Variants in IQSEC1 observed in about 807,000 individuals in gnomAD.
The protein encoded by IQSEC1 is IQ motif and SEC7 domain-containing protein 1.
In IQSEC1, 31 loss-of-function variants were observed where a neutral mutation model predicts 91.0. That is an observed-to-expected ratio of 0.34 (90% CI 0.26 to 0.46). The LOEUF is 0.46. Among genes scored for constraint, IQSEC1 ranks in the 20% least tolerant of loss-of-function variants. IQSEC1 has a pLI of 1.00. For synonymous variants in IQSEC1, 699 were observed against 662.6 expected (o/e 1.05, Z -0.84); for missense variants, 1,388 against 1,575.6 (o/e 0.88, Z 2.02).
chr3:13,240,740 T>C (rs529246469), intron 1 of IQSEC1, among the ~76,000 whole-genome samples: 20 of 152,224 alleles, frequency 1.3e-4, no homozygotes, highest in African/African-American at 4.3e-4. Context: ...ACAGCTGAAT[T>C]GAACGAAATC....
intron 1 of IQSEC1, among the ~76,000 whole-genome samples, chr3:13,205,205 G>A (rs1002247536): frequency 2.6e-5 from 4 of 152,040 alleles, no homozygotes; most frequent in Non-Finnish European, 5.9e-5. Context: ...TCCTGAACAG[G>A]AAGGCTACAG....
rs544150160 is a variant in IQSEC1, at chr3:13,008,232, G to A, written c.23+64760C>T. ...ACCACCTTGTCACCCTCCGTCTGGG[G>A]TCTGAGGCCAAGCTGGACACCTCTC... On this transcript the variant is annotated intron_variant, in intron 1 of 13. Transcript: ENST00000613206. The surrounding 1 kb of genome is among the most constrained non-coding windows in gnomAD (Gnocchi z 4.1). Among the ~76,000 whole-genome samples, 1 of 151,460 alleles carries A rather than the reference G, an allele frequency of 6.6e-6. No individual in the cohort carries two copies. Among genetic ancestry groups the A allele is most frequent in the African/African-American group, 2.4e-5 (1 of 41,470 alleles).
intron 3 of IQSEC1, among the ~76,000 whole-genome samples, chr3:12,933,879 G>A (rs1263700570): frequency 3.3e-5 from 5 of 152,216 alleles, no homozygotes; most frequent in African/African-American, 4.8e-5. Flanking sequence ...AAAGTTAACT[G>A]AATAAGAAAG....
At chr3:12,937,709 G>A (rs969212494) in intron 2 of IQSEC1, among the ~76,000 whole-genome samples, 11 of 152,216 alleles carry the variant, frequency 7.2e-5, no homozygotes, top group Non-Finnish European at 1.6e-4. Context: ...TGCCAAGCAC[G>A]GGGGCAGCTG....
rs13094528 is a variant in IQSEC1, at chr3:13,068,727, C to T, written c.23+4265G>A. 1.4e-3 allele frequency among the ~76,000 whole-genome samples: 216 copies of T among 152,308 alleles called. 2 individuals carry two copies. The highest frequency in any genetic ancestry group is 2.7e-3 in the Non-Finnish European group (184 of 68,022). Reference sequence around the variant, plus strand: ...TCACCAGGGCCTCTGCACTTGCTGTCCCCTGCACCCGGGGCCCCCACTCTT... The same window carrying T: ...TCACCAGGGCCTCTGCACTTGCTGTTCCCTGCACCCGGGGCCCCCACTCTT... On this transcript the variant is annotated intron_variant, in intron 1 of 13. Coordinates refer to ENST00000613206, the MANE Select transcript of IQSEC1 (RefSeq NM_001134382.3).
intron 1 of IQSEC1, among the ~76,000 whole-genome samples, chr3:13,235,559 T>C (rs1694913746): frequency 1.3e-5 from 2 of 152,114 alleles, no homozygotes; most frequent in Admixed American, 6.5e-5. Context: ...GGTGCCCCTC[T>C]GAGACTGCTG....
intron 2 of IQSEC1, among the ~76,000 whole-genome samples, chr3:13,107,843 C>T (rs4684909): frequency 0.31 from 47,149 of 152,104 alleles, 7,975 homozygotes; most frequent in Admixed American, 0.44. Flanking sequence ...CATACATGTC[C>T]GGAACGCCCA....
intron 13 of IQSEC1, among the ~76,000 whole-genome samples, chr3:12,902,384 G>A (rs558892269): frequency 6.6e-6 from 1 of 151,764 alleles, no homozygotes; most frequent in East Asian, 2.0e-4. Context: ...AAGTGTGGAG[G>A]GTGAGTGGGA....
At chr3:13,043,559 C>T (rs1704369565) in intron 1 of IQSEC1, among the ~76,000 whole-genome samples, 1 of 152,230 alleles carries the variant, frequency 6.6e-6, no homozygotes, top group Non-Finnish European at 1.5e-5. Flanking sequence ...GCAGCTCAGC[C>T]CCCTTCAGCC....
At chr3:12,948,932 A>G (rs1699359581) in intron 1 of IQSEC1, among the ~76,000 whole-genome samples, 1 of 152,228 alleles carries the variant, frequency 6.6e-6, no homozygotes, top group Non-Finnish European at 1.5e-5. Flanking sequence ...ACACATATAC[A>G]TACGCAAACA....
intron 1 of IQSEC1, among the ~76,000 whole-genome samples, chr3:13,213,468 T>C (rs1008239698): frequency 6.6e-6 from 1 of 152,198 alleles, no homozygotes; most frequent in African/African-American, 2.4e-5. Flanking sequence ...CCCTACTTTG[T>C]TCTTTTTCAG....
intron 2 of IQSEC1, among the ~76,000 whole-genome samples, chr3:13,131,934 G>T (rs796591150): frequency 2.0e-4 from 31 of 152,264 alleles, no homozygotes; most frequent in African/African-American, 7.0e-4. Flanking sequence ...ATGGAATATA[G>T]TTATAATTGC....
intron 2 of IQSEC1, among the ~76,000 whole-genome samples, chr3:13,089,250 G>A (rs1375762989): frequency 1.3e-5 from 2 of 152,238 alleles, no homozygotes; most frequent in Admixed American, 6.5e-5. Flanking sequence ...TAAACAATGC[G>A]ATCTGTCCAT....
At chr3:13,027,571 A>G (rs759945472) in intron 1 of IQSEC1, among the ~76,000 whole-genome samples, 8 of 152,234 alleles carry the variant, frequency 5.3e-5, no homozygotes, top group Non-Finnish European at 1.2e-4. Context: ...GACATTCTCA[A>G]AGTGGAACTG....
chr3:13,237,417 C>G (rs1454092926), intron 1 of IQSEC1, among the ~76,000 whole-genome samples: 1 of 152,238 alleles, frequency 6.6e-6, no homozygotes, highest in Non-Finnish European at 1.5e-5. Flanking sequence ...TCCTCCCATT[C>G]TGAAGGTTTC....
chr3:13,000,219 G>A (rs1425911363), intron 1 of IQSEC1, among the ~76,000 whole-genome samples: 2 of 152,180 alleles, frequency 1.3e-5, no homozygotes, highest in African/African-American at 4.8e-5. Context: ...CAAATGGCCT[G>A]TAAACATTCA....
At chr3:13,010,984 C>T (rs1011918494) in intron 1 of IQSEC1, among the ~76,000 whole-genome samples, 2 of 152,202 alleles carry the variant, frequency 1.3e-5, no homozygotes, top group Admixed American at 6.5e-5. Context: ...GGAAGCCTCC[C>T]CACACTTCCT....
chr3:12,924,244 G>A lies in IQSEC1; in HGVS notation c.1730+337C>T, dbSNP rs1696911618. Among the ~76,000 whole-genome samples the A allele has an allele frequency of 6.6e-6, 1 of 152,202 alleles. No homozygotes were observed. ...TGCCATGAGAAGCTGCAGGAACATG[G>A]GTCACTGAGGGCTGTGATGCTTGGT... On this transcript the variant is annotated intron_variant, in intron 4 of 13. Transcript: ENST00000613206. This position sits in a 1 kb window ranked among gnomAD's most constrained non-coding sequence, Gnocchi z 6.3.
chr3:13,182,824 A>AT (rs1693867866), intron 1 of IQSEC1, among the ~76,000 whole-genome samples: 1 of 152,240 alleles, frequency 6.6e-6, no homozygotes, highest in Non-Finnish European at 1.5e-5. Flanking sequence ...GCATTAAATG[A>AT]TTTTATGAGA....
Sources: allele counts gnomAD v4.1 joint callset (sites outside exome capture counted in the v4.1 genomes callset), GRCh38; gene constraint gnomAD v4.1.1; non-coding constraint Gnocchi (gnomAD v3.1); transcripts MANE v1.5; gene names NCBI Gene and HGNC (gene_info 2026-07-23, HGNC 2026-07-21).